CTNNA3: variants seen among roughly 807,000 people sequenced by gnomAD.
The protein encoded by CTNNA3 is catenin alpha 3, also known as catenin alpha-3.
CTNNA3 carries 76 observed loss-of-function variants against 95.7 expected under a neutral mutation model. The ratio of observed to expected loss-of-function variants is 0.79; its 90% CI spans 0.66 to 0.96. The LOEUF (loss-of-function observed/expected upper bound fraction) is 0.96, where lower values mean the gene tolerates loss of function less well. Ranked by LOEUF, CTNNA3 falls within the 40% of genes least tolerant of loss-of-function variation. The pLI, the probability that CTNNA3 is intolerant of heterozygous loss-of-function variation, is 0.00. For missense variants in CTNNA3, 1,191 were observed against 1,089.8 expected, an observed-to-expected ratio of 1.09 and a Z score of -1.31; for synonymous variants, 431 against 374.4, an observed-to-expected ratio of 1.15 and a Z score of -1.74.
chr10:67,290,913 C>T (rs970007387), intron 5 of CTNNA3, among the ~76,000 whole-genome samples: 2 of 152,136 alleles, frequency 1.3e-5, no homozygotes, highest in African/African-American at 2.4e-5. Context: ...TTCTGCTAAT[C>T]CATGTTCAGT....
chr10:65,953,503 T>C (rs1271396207), intron 17 of CTNNA3, among the ~76,000 whole-genome samples: 1 of 152,094 alleles, frequency 6.6e-6, no homozygotes, highest in African/African-American at 2.4e-5. Flanking sequence ...ATCATTTACA[T>C]TAGGTATATC....
chr10:66,167,783 G>A (rs2085210332), intron 13 of CTNNA3, among the ~76,000 whole-genome samples: 1 of 152,106 alleles, frequency 6.6e-6, no homozygotes, highest in Admixed American at 6.6e-5. Context: ...GGATGATTGG[G>A]TACAAACTTC....
At chr10:67,607,380 G>T (rs1343467097) in intron 2 of CTNNA3, among the ~76,000 whole-genome samples, 1 of 152,036 alleles carries the variant, frequency 6.6e-6, no homozygotes, top group Non-Finnish European at 1.5e-5. Flanking sequence ...AAAATCATAA[G>T]GCAGAGAAAA....
chr10:67,530,766 G>A (rs1840300389), intron 4 of CTNNA3, among the ~76,000 whole-genome samples: 1 of 152,334 alleles, frequency 6.6e-6, no homozygotes, highest in Non-Finnish European at 1.5e-5. Context: ...TCCAGGGCAT[G>A]TCAGAGGACT....
In CTNNA3 at chr10:67,219,647, G is replaced by A; in HGVS notation, c.803C>T (p.Pro268Leu). ...GGCACTTCCCAGGGTTGCTGCCTGA[G>A]GTTCTGGTGGGGTTGTCATATTCTG... ...GIQNMTTPPEPQAATLGSALD... is the reference protein window; with the variant it reads ...GIQNMTTPPELQAATLGSALD... The change falls in exon 6 of 18, where the codon CCT (proline) becomes CTT (leucine). Residue 268 changes from proline (P) to leucine (L), a missense_variant. Transcript: ENST00000433211. The A allele has an allele frequency of 1.2e-6, 2 of 1,614,078 alleles. No individual in the cohort carries two copies. The highest frequency in any genetic ancestry group is 1.7e-6 in the Non-Finnish European group (2 of 1,179,984).
At chr10:66,024,659 T>G (rs565491416) in intron 15 of CTNNA3, among the ~76,000 whole-genome samples, 1 of 152,330 alleles carries the variant, frequency 6.6e-6, no homozygotes, top group South Asian at 2.1e-4. Flanking sequence ...TGTTTGATAA[T>G]GTAAACAATG....
chr10:66,638,755 A>G (rs1845419191), intron 9 of CTNNA3, among the ~76,000 whole-genome samples: 1 of 150,820 alleles, frequency 6.6e-6, no homozygotes, highest in East Asian at 2.0e-4. Flanking sequence ...ACCTTTGTTG[A>G]TTTCTGGGCT....
intron 5 of CTNNA3, among the ~76,000 whole-genome samples, chr10:67,428,385 C>A (rs572549779): frequency 1.3e-5 from 2 of 151,908 alleles, no homozygotes; most frequent in Admixed American, 6.6e-5. Flanking sequence ...ATGAACAAAT[C>A]ATTTTAAAAT....
At chr10:66,247,011 G>A (rs561713654) in intron 13 of CTNNA3, among the ~76,000 whole-genome samples, 1 of 144,456 alleles carries the variant, frequency 6.9e-6, no homozygotes, top group Non-Finnish European at 1.5e-5. Flanking sequence ...GACTGTGCCA[G>A]TGCACTCCAG....
intron 5 of CTNNA3, among the ~76,000 whole-genome samples, chr10:67,475,064 A>G: frequency 6.6e-6 from 1 of 152,222 alleles, no homozygotes; most frequent in East Asian, 1.9e-4. Flanking sequence ...AAATTGTGAC[A>G]CAGCCATATA....
At chr10:66,778,871 G>T (rs920235897) in intron 7 of CTNNA3, among the ~76,000 whole-genome samples, 1 of 152,066 alleles carries the variant, frequency 6.6e-6, no homozygotes, top group African/African-American at 2.4e-5. Context: ...AACTACTTGC[G>T]AGGCTAAGGC....
intron 13 of CTNNA3, among the ~76,000 whole-genome samples, chr10:66,176,097 G>T (rs11597312): frequency 0.029 from 4,366 of 152,280 alleles, 91 homozygotes; most frequent in Middle Eastern, 0.071. Flanking sequence ...GAAATCTGCA[G>T]AGCCCTTTCA....
Position 66,361,767 on chromosome 10 carries a change from GGT to G in CTNNA3, c.1732+17383_1732+17384del, listed in dbSNP as rs556634096. 2.5e-3 allele frequency among the ~76,000 whole-genome samples: 384 copies of G among 152,018 alleles called. 1 individual carries two copies. The highest frequency in any genetic ancestry group is 8.8e-3 in the African/African-American group (367 of 41,482). ...TGCCCAGGCTGGTCTCAAACTCCTGGGTTCAAGTAATCCTCCTTCCTCAGCCC... is the reference window on the plus strand; with the variant it reads ...TGCCCAGGCTGGTCTCAAACTCCTGGTCAAGTAATCCTCCTTCCTCAGCCC... On this transcript the variant is annotated intron_variant, in intron 12 of 17. Coordinates refer to ENST00000433211, the MANE Select transcript of CTNNA3 (RefSeq NM_013266.4).
At chr10:67,325,386 C>T (rs988079856) in intron 5 of CTNNA3, among the ~76,000 whole-genome samples, 1 of 152,084 alleles carries the variant, frequency 6.6e-6, no homozygotes, top group African/African-American at 2.4e-5. Flanking sequence ...ATAAATTTCC[C>T]TTTTAACACT....
chr10:66,081,175 G>C (rs1308699348), intron 14 of CTNNA3, among the ~76,000 whole-genome samples: 1 of 152,156 alleles, frequency 6.6e-6, no homozygotes, highest in Non-Finnish European at 1.5e-5. Context: ...GAGATATGAT[G>C]TAAGTGTTTG....
At chr10:66,532,331 A>G (rs1054896294) in intron 10 of CTNNA3, among the ~76,000 whole-genome samples, 4 of 152,024 alleles carry the variant, frequency 2.6e-5, no homozygotes, top group South Asian at 2.1e-4. Flanking sequence ...GCGTGGTGGT[A>G]GGTGCCTGAA....
chr10:66,657,884 G>C (rs1846122518), intron 9 of CTNNA3, among the ~76,000 whole-genome samples: 1 of 152,130 alleles, frequency 6.6e-6, no homozygotes, highest in South Asian at 2.1e-4. Flanking sequence ...AATTTTGAGA[G>C]GGAAATCGAA....
rs1839856705 is a variant in CTNNA3, at chr10:66,766,383, A to G, written c.1162T>C (p.Ser388Pro). Residue 388 changes from serine (S) to proline (P), a missense_variant, in exon 9 of 18, where the codon TCT becomes CCT. Transcript: ENST00000433211. The stretch of plus-strand genomic sequence containing the variant: ...AGAGGGACTGTCGTATCCAGGAAAG[A>G]GTCTGACACATGATCTATAATAGCC... ...RKAIIDHVSD[S>P]FLDTTVPLLV... is the part of the protein sequence containing the mutation. 6.2e-7 allele frequency: 1 copy of G among 1,613,652 alleles called. No individual in the cohort carries two copies. The highest frequency in any genetic ancestry group is 1.3e-5 in the African/African-American group (1 of 74,906).
Position 66,202,050 on chromosome 10 carries a change from G to A in CTNNA3, c.1884+78420C>T, listed in dbSNP as rs565861494. On this transcript the variant is annotated intron_variant, in intron 13 of 17. Transcript: ENST00000433211. ...GATCCAGCCACCCTGGCCTCCCAAA[G>A]TGCTGGGATTATGGTGCGAGCCACC... Among the ~76,000 whole-genome samples the A allele has an allele frequency of 4.6e-5, 7 of 152,134 alleles. No individual in the cohort carries two copies. The East Asian group carries it at 1.2e-3, about 25-fold the overall frequency.
Sources: allele counts gnomAD v4.1 joint callset (sites outside exome capture counted in the v4.1 genomes callset), GRCh38; gene constraint gnomAD v4.1.1; transcripts MANE v1.5; gene names NCBI Gene and HGNC (gene_info 2026-07-23, HGNC 2026-07-21).